The following ODAD2 variants were observed in gnomAD, a reference collection of about 807,000 sequenced individuals.
The protein encoded by ODAD2 is outer dynein arm-docking complex subunit 2.
ODAD2 carries 89 observed loss-of-function variants against 106.8 expected under a neutral mutation model. The observed-to-expected ratio is 0.83, with a 90% CI of 0.70 to 0.99. ODAD2 has a LOEUF of 0.99. Ranked by LOEUF, ODAD2 falls within the 50% of genes least tolerant of loss-of-function variation. The pLI is 0.00. For missense variants in ODAD2, 1,168 were observed against 1,238.5 expected (o/e 0.94, Z 0.85); for synonymous variants, 404 against 436.2 (o/e 0.93, Z 0.92).
At chr10:27,931,115 T>C (rs1845587963) in intron 16 of ODAD2, among the ~76,000 whole-genome samples, 1 of 151,746 alleles carries the variant, frequency 6.6e-6, no homozygotes, top group Non-Finnish European at 1.5e-5. Context: ...ATCTCTGCTC[T>C]CTTAAAAAAA....
chr10:27,908,799 T>A (rs996870687), intron 16 of ODAD2, among the ~76,000 whole-genome samples: 2 of 152,064 alleles, frequency 1.3e-5, no homozygotes, highest in Non-Finnish European at 2.9e-5. Flanking sequence ...AAGTAGGAGA[T>A]CAGTTTTGCA....
intron 17 of ODAD2, among the ~76,000 whole-genome samples, chr10:27,865,059 C>T (rs1478501762): frequency 1.3e-5 from 2 of 152,100 alleles, no homozygotes; most frequent in African/African-American, 4.8e-5. Context: ...CCAAATTCTT[C>T]CACAGCAACC....
chr10:27,884,842 C>T (rs1470424367), intron 17 of ODAD2, among the ~76,000 whole-genome samples: 2 of 152,102 alleles, frequency 1.3e-5, no homozygotes, highest in African/African-American at 4.8e-5. Flanking sequence ...AGCATACATA[C>T]AGGCTCAGGT....
At chr10:27,956,853 C>T (rs926273254) in intron 10 of ODAD2, among the ~76,000 whole-genome samples, 3 of 152,180 alleles carry the variant, frequency 2.0e-5, no homozygotes, top group Admixed American at 2.0e-4. Flanking sequence ...TTACCCCACT[C>T]TACTGAAGAA....
At chr10:27,896,769 T>C (rs1193634361) in intron 17 of ODAD2, among the ~76,000 whole-genome samples, 1 of 152,162 alleles carries the variant, frequency 6.6e-6, no homozygotes, top group Non-Finnish European at 1.5e-5. Flanking sequence ...TGTATATAGA[T>C]ATAGATATAT....
chr10:27,834,221 G>A (rs1837693220), intron 19 of ODAD2, among the ~76,000 whole-genome samples: 1 of 152,188 alleles, frequency 6.6e-6, no homozygotes, highest in Non-Finnish European at 1.5e-5. Context: ...TAATCTAGGA[G>A]GTTGTTTTCC....
intron 9 of ODAD2, among the ~76,000 whole-genome samples, chr10:27,963,919 T>C (rs959249580): frequency 3.3e-5 from 5 of 152,102 alleles, no homozygotes; most frequent in South Asian, 4.1e-4. Flanking sequence ...ATTATAGAGA[T>C]AATGAGTTAA....
chr10:27,923,223 C>A (rs1232805090), intron 16 of ODAD2, among the ~76,000 whole-genome samples: 1 of 152,084 alleles, frequency 6.6e-6, no homozygotes, highest in Admixed American at 6.6e-5. Flanking sequence ...AATTGACTCA[C>A]AAAACAAGAC....
Position 27,914,698 on chromosome 10 carries a change from A to G in ODAD2, c.2496-6921T>C, listed in dbSNP as rs1021483648. Reference sequence around the variant, plus strand: ...TGTATGTATGTGTGTGTATATATATATGTGTGTGTATATAAATATGCATGT... The same window carrying G: ...TGTATGTATGTGTGTGTATATATATGTGTGTGTGTATATAAATATGCATGT... On this transcript the variant is annotated intron_variant, in intron 16 of 19. Transcript: ENST00000305242. Among the ~76,000 whole-genome samples, 6 of 152,060 alleles carry G rather than the reference A, an allele frequency of 3.9e-5. No homozygotes were observed. In the South Asian group the frequency reaches 6.2e-4, roughly 16 times the overall value.
At chr10:27,833,576 T>G (rs1241350423) in intron 19 of ODAD2, among the ~76,000 whole-genome samples, 1 of 152,220 alleles carries the variant, frequency 6.6e-6, no homozygotes, top group Admixed American at 6.5e-5. Flanking sequence ...TACTTTTTAT[T>G]TTGTCTTCAC....
intron 19 of ODAD2, among the ~76,000 whole-genome samples, chr10:27,821,264 C>T (rs1836587225): frequency 6.6e-6 from 1 of 151,526 alleles, no homozygotes; most frequent in African/African-American, 2.4e-5. Context: ...AGTTTTGCCG[C>T]TAACTAACTG....
At chr10:27,896,127 TG>T (rs2133757115) in intron 17 of ODAD2, among the ~76,000 whole-genome samples, 1 of 152,360 alleles carries the variant, frequency 6.6e-6, no homozygotes, top group Non-Finnish European at 1.5e-5. Flanking sequence ...TCTTTTGAAT[TG>T]ACATCTAAAA....
At chr10:27,841,480 C>G (rs1838301885) in intron 19 of ODAD2, among the ~76,000 whole-genome samples, 1 of 152,058 alleles carries the variant, frequency 6.6e-6, no homozygotes, top group African/African-American at 2.4e-5. Flanking sequence ...ACTGCAACCT[C>G]CACCTCCCAG....
At chr10:27,936,503 C>G (rs547908170) in intron 15 of ODAD2, among the ~76,000 whole-genome samples, 5 of 152,282 alleles carry the variant, frequency 3.3e-5, no homozygotes, top group African/African-American at 9.6e-5. Flanking sequence ...TGTCAGCAAG[C>G]CTCTTAGTGC....
intron 14 of ODAD2, among the ~76,000 whole-genome samples, chr10:27,939,237 A>G (rs946641569): frequency 1.3e-5 from 2 of 152,214 alleles, no homozygotes; most frequent in African/African-American, 4.8e-5. Context: ...ATATAGAAGC[A>G]CCATGTACTT....
At chr10:27,862,703 C>CTTTGTT in intron 17 of ODAD2, 81 bp from the exon 18 acceptor site, 1 of 1,008,094 alleles carries the variant, frequency 9.9e-7, no homozygotes, top group Non-Finnish European at 1.4e-6. Context: ...AGTAACAATA[C>CTTTGTT]AGCTGTGAGG....
rs151097323 is a variant in ODAD2 at position 27,899,116 on chromosome 10, A to T, written c.2610+8547T>A. Reference sequence around the variant, plus strand: ...CATTTCCAATTGAGGTACCCATCTCATCTCATTGGGACTTGTTAGACAGTG... The same window carrying T: ...CATTTCCAATTGAGGTACCCATCTCTTCTCATTGGGACTTGTTAGACAGTG... On this transcript the variant is annotated intron_variant, in intron 17 of 19. Coordinates refer to ENST00000305242, the MANE Select transcript of ODAD2 (RefSeq NM_018076.5). Among the ~76,000 whole-genome samples, 506 of 152,016 alleles carry T rather than the reference A, an allele frequency of 3.3e-3. 4 individuals are homozygous for T. Among genetic ancestry groups the T allele is most frequent in the African/African-American group, 0.012 (480 of 41,450 alleles).
At position 27,812,476 on chromosome 10, in the gene ODAD2, T is replaced by C. The variant is rs201446595; in HGVS notation, c.*36A>G. 3.1e-4 allele frequency: 491 copies of C among 1,604,918 alleles called. 3 individuals carry two copies. In the African/African-American group the frequency reaches 5.7e-3, roughly 19 times the overall value. On this transcript the variant is annotated 3_prime_UTR_variant, in exon 20 of 20. Coordinates refer to ENST00000305242, the MANE Select transcript of ODAD2 (RefSeq NM_018076.5). ...CATGGGAGTGACATGTCCTGTGTCA[T>C]GTAGAATTTGATAGCTTGTAATGTC...
rs565534072 is a variant in ODAD2, at chr10:27,953,063, T to C, written c.1387-8101A>G. Among the ~76,000 whole-genome samples, 12 of 152,310 alleles carry C rather than the reference T, an allele frequency of 7.9e-5. No individual in the cohort carries two copies. The South Asian group carries it at 1.9e-3, about 24-fold the overall frequency. On this transcript the variant is annotated intron_variant, in intron 10 of 19. Transcript: ENST00000305242. ...ATACAATTTGATGAGTTTGGGTATATGCATATAAATCCAACACCTGTGCAA... is the reference window on the plus strand; with the variant it reads ...ATACAATTTGATGAGTTTGGGTATACGCATATAAATCCAACACCTGTGCAA...
Sources: gnomAD v4.1 joint callset for allele counts (sites outside exome capture counted in the v4.1 genomes callset) on GRCh38, gnomAD v4.1.1 for gene constraint, MANE v1.5 for transcripts, NCBI Gene and HGNC (gene_info 2026-07-23, HGNC 2026-07-21) for gene names.